PRRC2A: variants seen among roughly 807,000 people sequenced by gnomAD.
The protein encoded by PRRC2A is protein PRRC2A.
PRRC2A carries 59 observed loss-of-function variants against 224.6 expected under a neutral mutation model. The observed-to-expected ratio is 0.26, with a 90% CI of 0.21 to 0.33. PRRC2A has a LOEUF of 0.33. Among genes scored for constraint, PRRC2A ranks in the 10% least tolerant of loss-of-function variants. PRRC2A has a pLI of 1.00. For synonymous variants in PRRC2A, 1,194 were observed against 1,109.5 expected, an observed-to-expected ratio of 1.08 and a Z score of -1.51; for missense variants, 3,095 against 2,880.7, an observed-to-expected ratio of 1.07 and a Z score of -1.70.
chr6:31,628,779 T>G, intron 12 of PRRC2A: 1 of 241,804 alleles, frequency 4.1e-6, no homozygotes, highest in East Asian at 9.8e-5. Flanking sequence ...AGGCAGAGAT[T>G]TCTGTGAGCC....
Position 31,635,389 on chromosome 6 carries a change from C to G in PRRC2A, c.5302-5C>G, listed in dbSNP as rs1777214353. Reference sequence around the variant, plus strand: ...ACAATGTCTCCTGCCTTCTTGTGATCACAGGACTCAGACTTACGCCTAGTG... The same window carrying G: ...ACAATGTCTCCTGCCTTCTTGTGATGACAGGACTCAGACTTACGCCTAGTG... On this transcript the variant is annotated splice_region_variant and splice_polypyrimidine_tract_variant and intron_variant, in intron 22 of 30. Coordinates refer to ENST00000376033, the MANE Select transcript of PRRC2A (RefSeq NM_004638.4). 2 of 1,614,198 alleles carry G rather than the reference C, an allele frequency of 1.2e-6. No homozygotes were observed. Among genetic ancestry groups the G allele is most frequent in the Non-Finnish European group, 1.7e-6 (2 of 1,180,010 alleles).
chr6:31,623,933 A>G (rs890746406), intron 3 of PRRC2A, 24 bp downstream of exon 3: 1 of 1,610,984 alleles, frequency 6.2e-7, no homozygotes, highest in Non-Finnish European at 8.5e-7. Flanking sequence ...TGGGGGACCT[A>G]GAGTGATGGG....
intron 5 of PRRC2A, 124 bp downstream of exon 5, chr6:31,624,646 T>C: frequency 1.8e-6 from 2 of 1,088,136 alleles, no homozygotes; most frequent in Non-Finnish European, 2.7e-6. Context: ...CCATATTCAG[T>C]TTCATGGAGG....
intron 14 of PRRC2A, 21 bp from the exon 15 acceptor site, chr6:31,630,566 TTTTC>T (rs781577089): frequency 1.2e-6 from 2 of 1,612,394 alleles, no homozygotes; most frequent in Admixed American, 3.3e-5. Context: ...ATAGGATTAT[TTTTC>T]TTTTTCTTTG....
chr6:31,636,233 C>T lies in PRRC2A; in HGVS notation c.5649C>T (p.Pro1883=), dbSNP rs13716. The stretch of plus-strand genomic sequence containing the variant: ...GATCACAGCCCCTATACCTACCCCC[C>T]GGCCCAGCCCCTCCCTCAGCACTGC... ...PYRSQPLYLP[P]GPAPPSALLS... is the part of the protein sequence containing the mutation. Residue 1883 remains proline (P), a synonymous_variant, in exon 26 of 31, where the codon CCC becomes CCT. Coordinates refer to ENST00000376033, the MANE Select transcript of PRRC2A (RefSeq NM_004638.4). The surrounding 1 kb of genome is among the most constrained non-coding windows in gnomAD (Gnocchi z 4.3). 112 of 1,612,718 alleles carry T rather than the reference C, an allele frequency of 6.9e-5. No homozygotes were observed. In the East Asian group the frequency reaches 1.4e-3, roughly 20 times the overall value.
chr6:31,621,429 C>G (rs531838500), intron 1 of PRRC2A, among the ~76,000 whole-genome samples: 2 of 152,144 alleles, frequency 1.3e-5, no homozygotes, highest in Admixed American at 1.3e-4. Flanking sequence ...CGTCTCCTTT[C>G]TCCCCCAACC....
chr6:31,632,858 G>C lies in PRRC2A; in HGVS notation c.4185G>C (p.Gln1395His). 3 of 1,613,122 alleles carry C rather than the reference G, an allele frequency of 1.9e-6. No individual in the cohort carries two copies. The highest frequency in any genetic ancestry group is 2.5e-6 in the Non-Finnish European group (3 of 1,179,990). The change falls in exon 16 of 31, where the codon CAG becomes CAC. Residue 1395 changes from glutamine (Q) to histidine (H), a missense_variant. By Grantham distance (24) the Gln-to-His change is conservative (BLOSUM62 0). Transcript: ENST00000376033. ...GTCAGCGGCCAGGCATGGAACGGCA[G>C]AATCGGCGCCCTGGCCCAGGGGGCA... Reference protein sequence around the residue: ...FSSQRPGMERQNRRPGPGGKA... With the variant: ...FSSQRPGMERHNRRPGPGGKA...
rs1262608920 is a variant in PRRC2A at position 31,632,133 on chromosome 6, A to C, written c.3460A>C (p.Thr1154Pro). 3.2e-6 allele frequency: 5 copies of C among 1,558,900 alleles called. No homozygotes were observed. The highest frequency in any genetic ancestry group is 4.3e-6 in the Non-Finnish European group (5 of 1,152,580). ...APPSPAPARFTARGGRVFTPR... is the reference protein window; with the variant it reads ...APPSPAPARFPARGGRVFTPR... ...ACCTTCACCAGCCCCAGCCCGCTTC[A>C]CTGCCCGGGGTGGGCGAGTCTTCAC... The change falls in exon 16 of 31, where the codon ACT becomes CCT. Residue 1154 changes from threonine (T) to proline (P), a missense_variant. Thr to Pro is a conservative substitution (Grantham distance 38). This residue lies in a region of PRRC2A where 2,001 missense variants were observed against 1,764.9 expected (regional missense o/e 1.13). Coordinates refer to ENST00000376033, the MANE Select transcript of PRRC2A (RefSeq NM_004638.4).
At chr6:31,634,636 G>GAACA in intron 20 of PRRC2A, 79 bp downstream of exon 20, 1 of 1,580,412 alleles carries the variant, frequency 6.3e-7, no homozygotes, top group Non-Finnish European at 8.7e-7. Context: ...TCTGGGTTGA[G>GAACA]TCTGGAGCTG....
intron 17 of PRRC2A, 96 bp downstream of exon 17, chr6:31,633,743 T>C (rs2242658): frequency 0.14 from 208,554 of 1,527,148 alleles, 16,126 homozygotes; most frequent in East Asian, 0.21. Context: ...GGGACCCTGC[T>C]GCTGGGTGCG....
chr6:31,637,568 G>A lies in PRRC2A; in HGVS notation c.6456G>A (p.Gly2152=), dbSNP rs752119947. Residue 2152 remains glycine (G), a synonymous_variant, in exon 31 of 31, where the codon GGG becomes GGA. Transcript: ENST00000376033. ...GGTCCCGAGGGGACAAGGAGCCTGGGTTGCCCCCACCCCGCTGAGGGAGTT... is the reference window on the plus strand; with the variant it reads ...GGTCCCGAGGGGACAAGGAGCCTGGATTGCCCCCACCCCGCTGAGGGAGTT... The part of the protein sequence containing the change: ...EPGSRGDKEP[G]LPPPR The A allele has an allele frequency of 1.3e-6, 2 of 1,584,944 alleles. No individual in the cohort carries two copies. Among genetic ancestry groups the A allele is most frequent in the East Asian group, 2.3e-5 (1 of 44,256 alleles).
intron 1 of PRRC2A, 51 bp downstream of exon 1, chr6:31,620,909 T>TGGTGGC (rs28986177): frequency 0.29 from 45,266 of 154,118 alleles, 8,309 homozygotes; most frequent in East Asian, 0.61. Flanking sequence ...GCGGGAGAGG[T>TGGTGGC]GGTGGCGGTG....
In PRRC2A at chr6:31,628,080, C is replaced by G; in HGVS notation, c.1606C>G (p.Pro536Ala). The G allele has an allele frequency of 6.2e-7, 1 of 1,613,082 alleles. No homozygotes were observed. Among genetic ancestry groups the G allele is most frequent in the Non-Finnish European group, 8.5e-7 (1 of 1,179,946 alleles). The change falls in exon 12 of 31, where the codon CCA (proline) becomes GCA (alanine). Residue 536 changes from proline (P) to alanine (A), a missense_variant. By Grantham distance (27) the Pro-to-Ala change is conservative. Around this residue, in one of 8 missense-constraint regions of PRRC2A, gnomAD observed 2,001 missense variants for 1,764.9 expected, o/e 1.13. Transcript: ENST00000376033. ...ACTCCCTGCACCTCCAGCTCCACCT[C>G]CAGCATCAGCCCCAACACCAGAGAC... ...KELPAPPAPP[P>A]ASAPTPETEP...
chr6:31,627,615 G>C lies in PRRC2A; in HGVS notation c.1291-150G>C. The C allele has an allele frequency of 9.8e-7, 1 of 1,016,654 alleles. No individual in the cohort carries two copies. Among genetic ancestry groups the C allele is most frequent in the South Asian group, 1.7e-5 (1 of 59,014 alleles). 63.0% of individuals were successfully genotyped at this position (1,016,654 alleles called of 1,614,324 possible). On this transcript the variant is annotated intron_variant, in intron 11 of 30. Coordinates refer to ENST00000376033, the MANE Select transcript of PRRC2A (RefSeq NM_004638.4). The surrounding 1 kb of genome is among the most constrained non-coding windows in gnomAD (Gnocchi z 5.6). ...AAGACGTGGTCTCAAAGAAGACCAG[G>C]ATAATGAGTTTGTCACCACCCAGAG... is the stretch of plus-strand genomic sequence containing the variant.
At chr6:31,626,910 T>A (rs752388254) in intron 10 of PRRC2A, 48 bp downstream of exon 10, 1 of 1,612,868 alleles carries the variant, frequency 6.2e-7, no homozygotes, top group East Asian at 2.2e-5. Context: ...TTGGTTTGTA[T>A]TTTGGTAATA....
intron 15 of PRRC2A, 69 bp downstream of exon 15, chr6:31,630,870 T>C: frequency 6.4e-7 from 1 of 1,551,562 alleles, no homozygotes; most frequent in East Asian, 2.4e-5. Flanking sequence ...AAAGGTACTT[T>C]GGGTTAGTGG....
intron 10 of PRRC2A, 28 bp downstream of exon 10, chr6:31,626,890 G>A (rs376815062): frequency 2.5e-6 from 4 of 1,612,694 alleles, no homozygotes; most frequent in East Asian, 2.2e-5. Context: ...GGGGAGAAGA[G>A]GAGGGGGTCT....
At position 31,625,593 on chromosome 6, in the gene PRRC2A, C is replaced by T. The variant is rs1180156674; in HGVS notation, c.741C>T (p.Arg247=). Residue 247 remains arginine, a synonymous_variant, in exon 7 of 31, where the codon CGC becomes CGT. Coordinates refer to ENST00000376033, the MANE Select transcript of PRRC2A (RefSeq NM_004638.4). This position sits in a 1 kb window ranked among gnomAD's most constrained non-coding sequence, Gnocchi z 4.1. ...GCCCACCCCAGTTCCCTCCCTACCG[C>T]GGAATGATGCCGCCTTTCGTGAGTC... ...PSGPPQFPPY[R]GMMPPFMYPP... 6.4e-7 allele frequency: 1 copy of T among 1,573,092 alleles called. No individual in the cohort carries two copies.
rs567066159 is a variant in PRRC2A, at chr6:31,625,793, T to C, written c.761T>C (p.Met254Thr). The C allele has an allele frequency of 1.2e-4, 196 of 1,573,698 alleles. 2 individuals carry two copies. In the South Asian group the frequency reaches 2.1e-3, roughly 17 times the overall value. ...PPYRGMMPPF[M>T]YPPYLPFPPP... ...AGCTACTGTTGGACCCTTTTACAGA[T>C]GTATCCCCCATATCTCCCGTTCCCT... The change falls in exon 8 of 31, where the codon ATG becomes ACG. Residue 254 changes from methionine (M) to threonine (T), a missense_variant and splice_region_variant. Physicochemically the swap from Met to Thr is moderately conservative, Grantham distance 81 (BLOSUM62 -1). Coordinates refer to ENST00000376033, the MANE Select transcript of PRRC2A (RefSeq NM_004638.4). The surrounding 1 kb of genome is among the most constrained non-coding windows in gnomAD (Gnocchi z 4.1).
Sources: gnomAD v4.1 joint callset for allele counts (sites outside exome capture counted in the v4.1 genomes callset) on GRCh38, gnomAD v4.1.1 for gene constraint, gnomAD v4.1.1 regional missense constraint, Gnocchi (gnomAD v3.1) non-coding constraint, MANE v1.5 for transcripts, NCBI Gene and HGNC (gene_info 2026-07-23, HGNC 2026-07-21) for gene names.